MOXD1: variants seen among roughly 807,000 people sequenced by gnomAD.
MOXD1 encodes DBH-like monooxygenase protein 1.
Under a neutral mutation model 66.6 loss-of-function variants are expected in MOXD1, and 62 were observed. The observed-to-expected ratio is 0.93, with a 90% confidence interval of 0.76 to 1.15. The LOEUF is 1.15. Ranked by LOEUF, MOXD1 falls within the 50% of genes most tolerant of loss-of-function variation. MOXD1 has a pLI of 0.00. For synonymous variants in MOXD1, 303 were observed against 281.9 expected (o/e 1.07, Z -0.75); for missense variants, 847 against 754.6 (o/e 1.12, Z -1.44).
intron 1 of MOXD1, among the ~76,000 whole-genome samples, chr6:132,397,646 GAAAGAA>G (rs1776919946): frequency 1.1e-5 from 1 of 94,548 alleles, no homozygotes; most frequent in South Asian, 3.4e-4. Flanking sequence ...CAGAAAGAAA[GAAAGAA>G]AGAAAGAAAG....
intron 4 of MOXD1, among the ~76,000 whole-genome samples, chr6:132,342,746 A>G (rs1562287944): frequency 6.6e-6 from 1 of 152,236 alleles, no homozygotes; most frequent in East Asian, 1.9e-4. Context: ...CAGAGTAGAT[A>G]TATATAATTT....
chr6:132,303,217 G>A (rs901892792), intron 10 of MOXD1, among the ~76,000 whole-genome samples: 2 of 152,116 alleles, frequency 1.3e-5, no homozygotes, highest in African/African-American at 4.8e-5. Context: ...TAAAATGAAA[G>A]TCAAGCCACA....
chr6:132,399,797 G>C lies in MOXD1; in HGVS notation c.264+1366C>G, dbSNP rs971636814. 2.0e-5 allele frequency among the ~76,000 whole-genome samples: 3 copies of C among 152,208 alleles called. No homozygotes were observed. In the East Asian group the frequency reaches 5.8e-4, roughly 29 times the overall value. ...TTTCTTTTTTAAAAAACGTTAAATA[G>C]GTATTTAAATAAGGTATTGTCTACT... is the stretch of plus-strand genomic sequence containing the variant. On this transcript the variant is annotated intron_variant, in intron 1 of 11. Transcript: ENST00000367963.
Position 132,337,953 on chromosome 6 carries a change from G to T in MOXD1, c.664-9359C>A, listed in dbSNP as rs976171137. The stretch of plus-strand genomic sequence containing the variant: ...CAGCAAGAAGTAGGAGTGTCCCAGA[G>T]GTCCCATCTTGGCTGTGCGACTAAC... On this transcript the variant is annotated intron_variant, in intron 4 of 11. Coordinates refer to ENST00000367963, the MANE Select transcript of MOXD1 (RefSeq NM_015529.4). Among the ~76,000 whole-genome samples, 4 of 152,080 alleles carry T rather than the reference G, an allele frequency of 2.6e-5. No homozygotes were observed. In the South Asian group the frequency reaches 8.3e-4, roughly 32 times the overall value.
At chr6:132,363,472 C>T (rs150153667) in intron 4 of MOXD1, among the ~76,000 whole-genome samples, 68 of 152,186 alleles carry the variant, frequency 4.5e-4, no homozygotes, top group Non-Finnish European at 8.1e-4. Context: ...ACTTCTTCCA[C>T]GCAAATTATT....
At position 132,308,791 on chromosome 6, in the gene MOXD1, G is replaced by A. The variant is rs6569790; in HGVS notation, c.1508+6844C>T. 4.0e-3 allele frequency among the ~76,000 whole-genome samples: 615 copies of A among 152,144 alleles called. 6 individuals are homozygous for A. The highest frequency in any genetic ancestry group is 0.014 in the African/African-American group (573 of 41,508). ...AAACCACATGATTATCTCAATAGAC[G>A]CACAAAAGGCCTTTGATAAAATTCA... On this transcript the variant is annotated intron_variant, in intron 10 of 11. Transcript: ENST00000367963.
intron 9 of MOXD1, among the ~76,000 whole-genome samples, chr6:132,320,321 A>G (rs1240052299): frequency 6.6e-6 from 1 of 152,184 alleles, no homozygotes; most frequent in Non-Finnish European, 1.5e-5. Flanking sequence ...TCAAGCAGAC[A>G]GTCAATTAAT....
intron 4 of MOXD1, 72 bp from the exon 5 acceptor site, chr6:132,328,666 A>T: frequency 7.3e-7 from 1 of 1,377,908 alleles, no homozygotes; most frequent in Non-Finnish European, 1.0e-6. Flanking sequence ...ACAAACGTGA[A>T]ACTAGCATAA....
At position 132,328,556 on chromosome 6, in the gene MOXD1, C is replaced by T. The variant is rs1775242680; in HGVS notation, c.702G>A (p.Val234=). The part of the protein sequence containing the change: ...PVIQRGHESL[V]HHILLYQCSN... ...TGCACTGATAGAGCAGGATGTGGTG[C>T]ACCAGACTCTCATGGCCTCTCTGTA... is the stretch of plus-strand genomic sequence containing the variant. The change falls in exon 5 of 12, where the codon GTG becomes GTA. Residue 234 remains valine, a synonymous_variant. Coordinates refer to ENST00000367963, the MANE Select transcript of MOXD1 (RefSeq NM_015529.4). 1 of 1,614,094 alleles carries T rather than the reference C, an allele frequency of 6.2e-7. No individual in the cohort carries two copies. Among genetic ancestry groups the T allele is most frequent in the Non-Finnish European group, 8.5e-7 (1 of 1,180,004 alleles).
intron 1 of MOXD1, among the ~76,000 whole-genome samples, chr6:132,383,411 G>A (rs921336573): frequency 6.6e-6 from 1 of 152,178 alleles, no homozygotes; most frequent in Admixed American, 6.5e-5. Context: ...AGATAAAGCT[G>A]AAACTGTCTA....
chr6:132,381,416 C>A (rs1156950096), intron 1 of MOXD1, among the ~76,000 whole-genome samples: 2 of 151,682 alleles, frequency 1.3e-5, no homozygotes, highest in Non-Finnish European at 2.9e-5. Context: ...ATTGGCCAAT[C>A]TTAAAAGCAC....
chr6:132,372,517 A>C, intron 4 of MOXD1, 91 bp downstream of exon 4: 1 of 1,199,976 alleles, frequency 8.3e-7, no homozygotes, highest in South Asian at 1.4e-5. Flanking sequence ...ATTGAAAAAC[A>C]TTTCTATACT....
intron 4 of MOXD1, among the ~76,000 whole-genome samples, chr6:132,349,045 T>C (rs2114620566): frequency 6.6e-6 from 1 of 152,152 alleles, no homozygotes; most frequent in East Asian, 1.9e-4. Flanking sequence ...GTAAGTTCTT[T>C]GGTGGTGATT....
intron 10 of MOXD1, among the ~76,000 whole-genome samples, chr6:132,308,026 A>G (rs1452372362): frequency 2.0e-5 from 3 of 152,076 alleles, no homozygotes; most frequent in Non-Finnish European, 4.4e-5. Flanking sequence ...TCAGAAAAGA[A>G]TTGATGGAGA....
At chr6:132,301,540 C>T (rs927999235) in intron 10 of MOXD1, among the ~76,000 whole-genome samples, 2 of 151,650 alleles carry the variant, frequency 1.3e-5, no homozygotes, top group African/African-American at 2.4e-5. Flanking sequence ...CCTCTCTGGA[C>T]TCCTGTTTTA....
intron 4 of MOXD1, among the ~76,000 whole-genome samples, chr6:132,348,906 G>A (rs1430017772): frequency 6.6e-6 from 1 of 152,088 alleles, no homozygotes; most frequent in Admixed American, 6.5e-5. Context: ...ATCAAAGAAG[G>A]TGCCAAGTCT....
chr6:132,378,154 A>G (rs1776433690), intron 1 of MOXD1, among the ~76,000 whole-genome samples: 1 of 152,044 alleles, frequency 6.6e-6, no homozygotes, highest in African/African-American at 2.4e-5. Context: ...TTTTTTTTTC[A>G]TATTTTCCAA....
intron 4 of MOXD1, among the ~76,000 whole-genome samples, chr6:132,369,852 T>C (rs183584689): frequency 1.2e-4 from 19 of 152,242 alleles, no homozygotes; most frequent in Admixed American, 1.2e-3. Context: ...AATCTTCCAT[T>C]TAATATTTTC....
intron 9 of MOXD1, among the ~76,000 whole-genome samples, chr6:132,319,341 A>T (rs1358433235): frequency 6.6e-6 from 1 of 152,000 alleles, no homozygotes; most frequent in East Asian, 1.9e-4. Flanking sequence ...AGCCAATATG[A>T]ATAGAAGTAT....
Sources: allele counts gnomAD v4.1 joint callset (sites outside exome capture counted in the v4.1 genomes callset), GRCh38; gene constraint gnomAD v4.1.1; transcripts MANE v1.5; gene names NCBI Gene and HGNC (gene_info 2026-07-23, HGNC 2026-07-21).